Variants in RAB3C observed in about 807,000 individuals in gnomAD.
RAB3C encodes the protein ras-related protein Rab-3C.
In RAB3C, 17 loss-of-function variants were observed where a neutral mutation model predicts 26.4. The observed-to-expected ratio is 0.64, with a 90% confidence interval of 0.44 to 0.97. RAB3C has a LOEUF of 0.97. Ranked by LOEUF, RAB3C falls within the 50% of genes least tolerant of loss-of-function variation. The pLI is 0.00. For synonymous variants in RAB3C, 91 were observed against 95.9 expected, an observed-to-expected ratio of 0.95 and a Z score of 0.30; for missense variants, 242 against 281.9, an observed-to-expected ratio of 0.86 and a Z score of 1.01.
rs1484360440 is a variant in RAB3C, at chr5:58,601,862, T to C, written c.25-15781T>C. 2.0e-5 allele frequency among the ~76,000 whole-genome samples: 3 copies of C among 152,284 alleles called. No individual in the cohort carries two copies. The East Asian group carries it at 5.8e-4, about 29-fold the overall frequency. On this transcript the variant is annotated intron_variant, in intron 1 of 4. Coordinates refer to ENST00000282878, the MANE Select transcript of RAB3C (RefSeq NM_138453.4). ...TTCTTTCAATTTCATTTAGTTCTGC[T>C]CTGATCTTGGTTATTTCCTTCCTTA...
intron 2 of RAB3C, among the ~76,000 whole-genome samples, chr5:58,711,700 A>T (rs1400485715): frequency 6.6e-6 from 1 of 152,164 alleles, no homozygotes; most frequent in Non-Finnish European, 1.5e-5. Context: ...CAAGAACTCA[A>T]AGGGGTTTAA....
At chr5:58,734,480 C>A (rs185151844) in intron 3 of RAB3C, among the ~76,000 whole-genome samples, 46 of 152,214 alleles carry the variant, frequency 3.0e-4, no homozygotes, top group African/African-American at 1.1e-3. Context: ...CGCGGGGAGT[C>A]TCTTCTTTCT....
chr5:58,588,733 G>A (rs562313899), intron 1 of RAB3C, among the ~76,000 whole-genome samples: 1 of 151,922 alleles, frequency 6.6e-6, no homozygotes, highest in South Asian at 2.1e-4. Flanking sequence ...TTATACCTGG[G>A]GTCTGTATCC....
intron 2 of RAB3C, among the ~76,000 whole-genome samples, chr5:58,693,306 AAATAAAATTAAGAAAT>A (rs1458735334): frequency 2.9e-5 from 4 of 136,794 alleles, no homozygotes; most frequent in African/African-American, 1.1e-4. Flanking sequence ...TTAATTATAT[AAATAAAATTAAGAAAT>A]TATATATATA....
chr5:58,627,513 A>C lies in RAB3C; in HGVS notation c.252+9643A>C, dbSNP rs1395637043. ...AAAAAAAAAAAAAAAAAAAAAAAAA[A>C]AAAAAACACAGCTTAAATTCGGTGC... is the stretch of plus-strand genomic sequence containing the variant. On this transcript the variant is annotated intron_variant, in intron 2 of 4. Transcript: ENST00000282878. 5.2e-5 allele frequency among the ~76,000 whole-genome samples: 4 copies of C among 77,598 alleles called. 1 individual carries two copies. The highest frequency in any genetic ancestry group is 1.0e-4 in the Non-Finnish European group (4 of 38,990). The allele number at this position is 77,598 out of a possible 152,430, so 50.9% of individuals were successfully genotyped here.
chr5:58,788,135 T>A (rs1354650727), intron 3 of RAB3C: 2 of 152,256 alleles, frequency 1.3e-5, no homozygotes, highest in Admixed American at 6.5e-5. Context: ...TCTGAAAGCT[T>A]TGAACTTAAC....
intron 2 of RAB3C, among the ~76,000 whole-genome samples, chr5:58,703,767 A>G (rs966880423): frequency 6.6e-6 from 1 of 152,170 alleles, no homozygotes; most frequent in Admixed American, 6.6e-5. Context: ...CTTTTAACAA[A>G]TTTTGATGCG....
intron 1 of RAB3C, among the ~76,000 whole-genome samples, chr5:58,608,429 A>G (rs924106135): frequency 2.6e-5 from 4 of 152,232 alleles, no homozygotes; most frequent in Admixed American, 6.5e-5. Flanking sequence ...CAAAAGACAC[A>G]TGAAAAAATG....
At chr5:58,582,388 C>T, upstream of RAB3C, 1 of 985,320 alleles carries the variant, frequency 1.0e-6, no homozygotes, top group Non-Finnish European at 1.2e-6. Flanking sequence ...TTCTGAACCT[C>T]GAGTTGTAAT....
intron 3 of RAB3C, among the ~76,000 whole-genome samples, chr5:58,795,066 T>C (rs1252791230): frequency 6.6e-6 from 1 of 152,120 alleles, no homozygotes; most frequent in Non-Finnish European, 1.5e-5. Context: ...ATTTGAACCA[T>C]GGGGGCGGGT....
At chr5:58,760,909 C>T (rs183810022) in intron 3 of RAB3C, among the ~76,000 whole-genome samples, 9 of 152,234 alleles carry the variant, frequency 5.9e-5, no homozygotes, top group African/African-American at 2.2e-4. Flanking sequence ...TTGCTGATGG[C>T]AAGACTTCCA....
Position 58,838,336 on chromosome 5 carries a change from C to T in RAB3C, c.497-12828C>T, listed in dbSNP as rs562984872. On this transcript the variant is annotated intron_variant, in intron 4 of 4. Coordinates refer to ENST00000282878, the MANE Select transcript of RAB3C (RefSeq NM_138453.4). ...CAGAGCTTGCAGTGAGCTGAGATTG[C>T]ACCACTGCACTCCAGCCTGGGGACA... 7.3e-5 allele frequency among the ~76,000 whole-genome samples: 11 copies of T among 151,182 alleles called. No individual in the cohort carries two copies. In the East Asian group the frequency reaches 1.9e-3, roughly 27 times the overall value.
intron 3 of RAB3C, among the ~76,000 whole-genome samples, chr5:58,805,947 G>A (rs1044627239): frequency 1.1e-4 from 16 of 152,198 alleles, no homozygotes; most frequent in African/African-American, 3.6e-4. Context: ...CTAGTAAATG[G>A]GTATCTAGCA....
At chr5:58,848,593 TA>T (rs1281188969) in intron 4 of RAB3C, 1 of 152,212 alleles carries the variant, frequency 6.6e-6, no homozygotes, top group African/African-American at 2.4e-5. Context: ...TAAAATGAGT[TA>T]AAATGTATAA....
intron 2 of RAB3C, among the ~76,000 whole-genome samples, chr5:58,640,737 A>G (rs1341994126): frequency 6.6e-6 from 1 of 152,204 alleles, no homozygotes; most frequent in African/African-American, 2.4e-5. Flanking sequence ...TTTCAGAGAC[A>G]GTGTTGTCAG....
chr5:58,691,405 G>A (rs888028332), intron 2 of RAB3C, among the ~76,000 whole-genome samples: 1 of 152,182 alleles, frequency 6.6e-6, no homozygotes, highest in African/African-American at 2.4e-5. Flanking sequence ...TAATTAACAG[G>A]AAATGAAAAG....
chr5:58,759,289 C>T (rs1404683770), intron 3 of RAB3C, among the ~76,000 whole-genome samples: 2 of 152,190 alleles, frequency 1.3e-5, no homozygotes, highest in Non-Finnish European at 2.9e-5. Context: ...GAAAGCCTTT[C>T]TGGAGTTGCA....
chr5:58,600,474 T>C (rs1312272304), intron 1 of RAB3C, among the ~76,000 whole-genome samples: 1 of 152,206 alleles, frequency 6.6e-6, no homozygotes, highest in Non-Finnish European at 1.5e-5. Flanking sequence ...TACATGAGCA[T>C]GGGATGTGTT....
At chr5:58,736,929 A>G (rs1054182488) in intron 3 of RAB3C, among the ~76,000 whole-genome samples, 2 of 152,132 alleles carry the variant, frequency 1.3e-5, no homozygotes, top group African/African-American at 2.4e-5. Context: ...TCTTCCCAGG[A>G]CAGCAGCTGG....
Sources: allele counts gnomAD v4.1 joint callset (sites outside exome capture counted in the v4.1 genomes callset), GRCh38; gene constraint gnomAD v4.1.1; transcripts MANE v1.5; gene names NCBI Gene and HGNC (gene_info 2026-07-23, HGNC 2026-07-21).